TCF7L1: variants seen among roughly 807,000 people sequenced by gnomAD.
TCF7L1 encodes the protein transcription factor 7 like 1.
A neutral mutation model predicts 63.7 loss-of-function variants in TCF7L1; 18 were observed. The ratio of observed to expected loss-of-function variants is 0.28; its 90% CI spans 0.20 to 0.42. The LOEUF (loss-of-function observed/expected upper bound fraction) is 0.42, where lower values mean the gene tolerates loss of function less well. Ranked by LOEUF, TCF7L1 falls within the 10% of genes least tolerant of loss-of-function variation. TCF7L1 has a pLI of 1.00. For synonymous variants in TCF7L1, 355 were observed against 340.9 expected (o/e 1.04, Z -0.46); for missense variants, 654 against 779.3 (o/e 0.84, Z 1.91).
At chr2:85,180,580 T>C (rs932873874) in intron 3 of TCF7L1, among the ~76,000 whole-genome samples, 5 of 152,196 alleles carry the variant, frequency 3.3e-5, no homozygotes, top group Non-Finnish European at 1.5e-5. Context: ...CAGTGGAATC[T>C]TCCACACCAC....
At chr2:85,280,026 T>C (rs1681373081) in intron 3 of TCF7L1, among the ~76,000 whole-genome samples, 1 of 152,196 alleles carries the variant, frequency 6.6e-6, no homozygotes, top group South Asian at 2.1e-4. Flanking sequence ...TGAATGTGTG[T>C]ACAAAATACA....
intron 3 of TCF7L1, among the ~76,000 whole-genome samples, chr2:85,267,874 A>G (rs900714260): frequency 1.3e-5 from 2 of 152,200 alleles, no homozygotes; most frequent in African/African-American, 4.8e-5. Context: ...AGATTTATGC[A>G]GACAGTTTCC....
intron 3 of TCF7L1, among the ~76,000 whole-genome samples, chr2:85,147,138 GATAA>G (rs71390052): frequency 0.091 from 13,855 of 152,104 alleles, 706 homozygotes; most frequent in Middle Eastern, 0.15. Flanking sequence ...AAAAACCCAG[GATAA>G]ATAAACTAAG....
intron 3 of TCF7L1, among the ~76,000 whole-genome samples, chr2:85,162,526 C>T (rs76197549): frequency 6.6e-5 from 10 of 152,240 alleles, no homozygotes; most frequent in Admixed American, 2.6e-4. Flanking sequence ...TCTGTGAAGA[C>T]GTATTTTCTC....
At chr2:85,272,040 C>T (rs1409999542) in intron 3 of TCF7L1, among the ~76,000 whole-genome samples, 1 of 152,186 alleles carries the variant, frequency 6.6e-6, no homozygotes, top group African/African-American at 2.4e-5. Flanking sequence ...CCCACTACCA[C>T]CCCTTTCAAA....
chr2:85,167,432 A>G (rs996050705), intron 3 of TCF7L1: 1 of 152,250 alleles, frequency 6.6e-6, no homozygotes, highest in Non-Finnish European at 1.5e-5. Flanking sequence ...TCACTGTCAA[A>G]GAGACGATCT....
intron 4 of TCF7L1, among the ~76,000 whole-genome samples, chr2:85,292,483 C>T (rs372880845): frequency 6.6e-6 from 1 of 152,182 alleles, no homozygotes; most frequent in African/African-American, 2.4e-5. Context: ...AAAACAATCC[C>T]ACATGGCAGG....
intron 3 of TCF7L1, among the ~76,000 whole-genome samples, chr2:85,216,158 G>A (rs1679702205): frequency 6.6e-6 from 1 of 152,094 alleles, no homozygotes; most frequent in Non-Finnish European, 1.5e-5. Context: ...TCCGAGAAAG[G>A]GAATGCAGAT....
At chr2:85,304,965 G>A (rs1257962436) in intron 7 of TCF7L1, among the ~76,000 whole-genome samples, 1 of 152,096 alleles carries the variant, frequency 6.6e-6, no homozygotes, top group Admixed American at 6.5e-5. Context: ...CACAGCCTAA[G>A]CCCTTCTTTT....
intron 3 of TCF7L1, among the ~76,000 whole-genome samples, chr2:85,135,325 G>C (rs1329000568): frequency 6.6e-6 from 1 of 152,182 alleles, no homozygotes; most frequent in Non-Finnish European, 1.5e-5. Context: ...TCCCTGCCCA[G>C]GTGCTGGGTC....
chr2:85,199,290 A>G (rs1231864144), intron 3 of TCF7L1, among the ~76,000 whole-genome samples: 1 of 152,232 alleles, frequency 6.6e-6, no homozygotes, highest in African/African-American at 2.4e-5. Flanking sequence ...TTCTCTGTCT[A>G]TAAAATGGCA....
At chr2:85,190,459 G>A (rs1173061796) in intron 3 of TCF7L1, among the ~76,000 whole-genome samples, 1 of 152,198 alleles carries the variant, frequency 6.6e-6, no homozygotes, top group Non-Finnish European at 1.5e-5. Context: ...CTGGTTTGCA[G>A]GAAAGGGCAG....
intron 3 of TCF7L1, among the ~76,000 whole-genome samples, chr2:85,251,637 T>C (rs952847826): frequency 1.3e-5 from 2 of 152,194 alleles, no homozygotes; most frequent in Admixed American, 6.5e-5. Flanking sequence ...CCAGAGCATC[T>C]ATTCAGGTCA....
chr2:85,287,992 T>C (rs1681603498), intron 4 of TCF7L1, among the ~76,000 whole-genome samples: 1 of 152,152 alleles, frequency 6.6e-6, no homozygotes, highest in Non-Finnish European at 1.5e-5. Context: ...AATGAGCCAG[T>C]GTATTGTAAT....
chr2:85,212,973 T>C (rs1278800850), intron 3 of TCF7L1, among the ~76,000 whole-genome samples: 2 of 152,096 alleles, frequency 1.3e-5, no homozygotes, highest in African/African-American at 2.4e-5. Context: ...ACCTTGTCCC[T>C]CAGCAGAAGA....
chr2:85,259,556 A>C lies in TCF7L1; in HGVS notation c.442-23939A>C, dbSNP rs6727429. Among the ~76,000 whole-genome samples the C allele has an allele frequency of 3.5e-3, 532 of 152,338 alleles. 6 individuals are homozygous for C. Among genetic ancestry groups the C allele is most frequent in the African/African-American group, 0.012 (489 of 41,576 alleles). On this transcript the variant is annotated intron_variant, in intron 3 of 11. Transcript: ENST00000282111. ...AACAGCTTCTCTAGGCCTTGCCCTC[A>C]AACTTCAGCCCTGTTTACTATTGAA... is the stretch of plus-strand genomic sequence containing the variant.
chr2:85,300,892 G>A (rs1156716017), intron 4 of TCF7L1, among the ~76,000 whole-genome samples: 5 of 151,136 alleles, frequency 3.3e-5, no homozygotes, highest in Non-Finnish European at 7.4e-5. Flanking sequence ...CAATTCTCCT[G>A]CCTCAGCCTC....
chr2:85,196,977 C>T (rs1178023549), intron 3 of TCF7L1, among the ~76,000 whole-genome samples: 1 of 152,160 alleles, frequency 6.6e-6, no homozygotes, highest in African/African-American at 2.4e-5. Flanking sequence ...CTGCCGCAGG[C>T]CATCCAAACT....
chr2:85,174,364 A>C (rs1183812206), intron 3 of TCF7L1, among the ~76,000 whole-genome samples: 3 of 152,132 alleles, frequency 2.0e-5, no homozygotes, highest in Non-Finnish European at 2.9e-5. Flanking sequence ...GATATACTAC[A>C]TTTTGTATAT....
Sources: allele counts gnomAD v4.1 joint callset (sites outside exome capture counted in the v4.1 genomes callset), GRCh38; gene constraint gnomAD v4.1.1; transcripts MANE v1.5; gene names NCBI Gene and HGNC (gene_info 2026-07-23, HGNC 2026-07-21).